The following GULP1 variants were observed in gnomAD, a reference collection of about 807,000 sequenced individuals.
GULP1 encodes PTB domain-containing engulfment adapter protein 1.
In GULP1, 19 loss-of-function variants were observed where a neutral mutation model predicts 40.9. The ratio of observed to expected loss-of-function variants is 0.46; its 90% CI spans 0.32 to 0.68. The LOEUF (loss-of-function observed/expected upper bound fraction) is 0.68. Ranked by LOEUF, GULP1 falls within the 30% of genes least tolerant of loss-of-function variation. The pLI is 0.03. For synonymous variants in GULP1, 119 were observed against 117.6 expected (o/e 1.01, Z -0.08); for missense variants, 312 against 362.2 (o/e 0.86, Z 1.12).
At chr2:188,401,854 A>G (rs2052343641) in intron 2 of GULP1, among the ~76,000 whole-genome samples, 1 of 152,172 alleles carries the variant, frequency 6.6e-6, no homozygotes. Context: ...TGTCATTAGT[A>G]ATAATGCCAG....
chr2:188,377,033 G>A lies in GULP1; in HGVS notation c.-171-6730G>A, dbSNP rs551734870. Among the ~76,000 whole-genome samples the A allele has an allele frequency of 1.5e-4, 23 of 152,176 alleles. No individual in the cohort carries two copies. In the South Asian group the frequency reaches 1.7e-3, roughly 11 times the overall value. ...CTAAAAATACAAAAATTAGCTGGGC[G>A]TGGTGGCACATGCCTGTAGTCCCAG... On this transcript the variant is annotated intron_variant, in intron 1 of 11. Transcript: ENST00000409830.
At chr2:188,424,691 C>T (rs1245088954) in intron 2 of GULP1, among the ~76,000 whole-genome samples, 1 of 152,062 alleles carries the variant, frequency 6.6e-6, no homozygotes, top group African/African-American at 2.4e-5. Flanking sequence ...CCTCTACTCT[C>T]TAACATGTCT....
chr2:188,376,432 C>A (rs1446741090), intron 1 of GULP1, among the ~76,000 whole-genome samples: 1 of 152,088 alleles, frequency 6.6e-6, no homozygotes. Flanking sequence ...GTAAGGCAAC[C>A]TTTCCTAATC....
chr2:188,448,136 G>C (rs2058547848), intron 2 of GULP1, among the ~76,000 whole-genome samples: 2 of 152,224 alleles, frequency 1.3e-5, no homozygotes, highest in Non-Finnish European at 2.9e-5. Flanking sequence ...TTGATCACTT[G>C]TGGTGGTAAA....
At chr2:188,570,446 T>C (rs1698776036) in intron 9 of GULP1, among the ~76,000 whole-genome samples, 1 of 152,178 alleles carries the variant, frequency 6.6e-6, no homozygotes, top group Admixed American at 6.5e-5. Flanking sequence ...ATTTGCTGGG[T>C]TAGATTTAAT....
At chr2:188,437,927 G>T (rs969578167) in intron 2 of GULP1, among the ~76,000 whole-genome samples, 4 of 152,098 alleles carry the variant, frequency 2.6e-5, no homozygotes, top group African/African-American at 9.7e-5. Flanking sequence ...CTTGAGGGTA[G>T]AGAGTGGGAA....
intron 1 of GULP1, among the ~76,000 whole-genome samples, chr2:188,375,326 T>A (rs2048161708): frequency 6.6e-6 from 1 of 152,234 alleles, no homozygotes; most frequent in South Asian, 2.1e-4. Flanking sequence ...GAAGACTGAA[T>A]AATAGCTCAC....
chr2:188,432,597 T>C, intron 2 of GULP1, among the ~76,000 whole-genome samples: 1 of 151,684 alleles, frequency 6.6e-6, no homozygotes, highest in Non-Finnish European at 1.5e-5. Context: ...ATAACCTTCA[T>C]GTCAAAACTG....
At chr2:188,552,662 A>G (rs1232489043) in intron 7 of GULP1, among the ~76,000 whole-genome samples, 1 of 151,458 alleles carries the variant, frequency 6.6e-6, no homozygotes, top group Non-Finnish European at 1.5e-5. Flanking sequence ...GAATGATGTC[A>G]GTATTTTGAT....
intron 2 of GULP1, among the ~76,000 whole-genome samples, chr2:188,387,572 G>A (rs999761227): frequency 5.9e-5 from 9 of 152,128 alleles, no homozygotes; most frequent in Admixed American, 2.0e-4. Flanking sequence ...TTTCAGCTTG[G>A]GAATTGAGGA....
chr2:188,321,799 C>T (rs939645735), intron 1 of GULP1, among the ~76,000 whole-genome samples: 1 of 151,848 alleles, frequency 6.6e-6, no homozygotes, highest in African/African-American at 2.4e-5. Flanking sequence ...GGCAGATCAC[C>T]TAAGGTCAGG....
chr2:188,376,069 T>C (rs908630083), intron 1 of GULP1, among the ~76,000 whole-genome samples: 45 of 152,098 alleles, frequency 3.0e-4, no homozygotes, highest in Non-Finnish European at 8.8e-5. Context: ...CCTGTGGGTA[T>C]GGAGGGCCAA....
chr2:188,300,991 T>G (rs571647727), intron 1 of GULP1, among the ~76,000 whole-genome samples: 156 of 152,240 alleles, frequency 1.0e-3, no homozygotes, highest in Non-Finnish European at 1.1e-3. Context: ...TTCCTTCTCC[T>G]GTTGAATGTC....
intron 2 of GULP1, among the ~76,000 whole-genome samples, chr2:188,391,618 T>C (rs2050539388): frequency 6.6e-6 from 1 of 152,054 alleles, no homozygotes; most frequent in African/African-American, 2.4e-5. Flanking sequence ...TCTTGCCTTA[T>C]TGCTCTGGTT....
chr2:188,419,434 C>A (rs1206257886), intron 2 of GULP1, among the ~76,000 whole-genome samples: 1 of 151,974 alleles, frequency 6.6e-6, no homozygotes, highest in Non-Finnish European at 1.5e-5. Flanking sequence ...TTTTGATTTG[C>A]ATTTTCCTGT....
chr2:188,547,593 G>T (rs906768982), intron 7 of GULP1, among the ~76,000 whole-genome samples: 2 of 152,074 alleles, frequency 1.3e-5, no homozygotes, highest in Non-Finnish European at 2.9e-5. Context: ...TATTCTGGCT[G>T]CACCAGCAGC....
intron 11 of GULP1, chr2:188,591,670 T>C (rs1003545200): frequency 5.9e-5 from 9 of 151,824 alleles, no homozygotes; most frequent in Middle Eastern, 3.4e-3. Flanking sequence ...GAAAACTATA[T>C]GTAATATATT....
intron 7 of GULP1, among the ~76,000 whole-genome samples, chr2:188,564,639 A>G (rs1697203308): frequency 6.6e-6 from 1 of 151,922 alleles, no homozygotes; most frequent in Non-Finnish European, 1.5e-5. Context: ...GGTTAATTCT[A>G]CCAAATTGAT....
At chr2:188,384,092 A>G (rs1035394457) in intron 2 of GULP1, 6 of 152,172 alleles carry the variant, frequency 3.9e-5, no homozygotes, top group Non-Finnish European at 5.9e-5. Flanking sequence ...TTTGTTCTAT[A>G]TAATTTTATT....
Sources: gnomAD v4.1 joint callset for allele counts (sites outside exome capture counted in the v4.1 genomes callset) on GRCh38, gnomAD v4.1.1 for gene constraint, MANE v1.5 for transcripts, NCBI Gene and HGNC (gene_info 2026-07-23, HGNC 2026-07-21) for gene names.